GLYATL2: variants seen among roughly 807,000 people sequenced by gnomAD.
GLYATL2 encodes the protein glycine-N-acyltransferase like 2.
In GLYATL2, 25 loss-of-function variants were observed where a neutral mutation model predicts 21.4. That is an observed-to-expected ratio of 1.17 (90% CI 0.85 to 1.63). The LOEUF (loss-of-function observed/expected upper bound fraction) is 1.63, where lower values mean the gene tolerates loss of function less well. Ranked by LOEUF, GLYATL2 falls within the 40% of genes most tolerant of loss-of-function variation. The pLI, the probability that GLYATL2 is intolerant of heterozygous loss-of-function variation, is 0.00. For missense variants in GLYATL2, 361 were observed against 343.3 expected (o/e 1.05, Z -0.41); for synonymous variants, 114 against 118.2 (o/e 0.96, Z 0.23).
chr11:58,888,186 T>C (rs1208384227), intron 1 of GLYATL2, among the ~76,000 whole-genome samples: 1 of 152,162 alleles, frequency 6.6e-6, no homozygotes, highest in Non-Finnish European at 1.5e-5. Flanking sequence ...ATTCTTAAAA[T>C]TCTGTAAGTG....
intron 1 of GLYATL2, among the ~76,000 whole-genome samples, chr11:58,883,937 C>A (rs554288952): frequency 2.5e-4 from 38 of 152,238 alleles, no homozygotes; most frequent in Admixed American, 5.2e-4. Context: ...AAACGTAATC[C>A]ATCATATAAA....
intron 1 of GLYATL2, among the ~76,000 whole-genome samples, chr11:58,886,833 C>T (rs765136568): frequency 6.6e-6 from 1 of 152,118 alleles, no homozygotes; most frequent in Non-Finnish European, 1.5e-5. Flanking sequence ...TAAGCCACCC[C>T]AGGTCAAGAC....
chr11:58,898,832 T>TA (rs1422483111), intron 1 of GLYATL2, among the ~76,000 whole-genome samples: 2 of 151,802 alleles, frequency 1.3e-5, no homozygotes, highest in Non-Finnish European at 2.9e-5. Flanking sequence ...GACTCCATCT[T>TA]AAAAAAAATA....
intron 1 of GLYATL2, among the ~76,000 whole-genome samples, chr11:58,872,208 C>A (rs537420604): frequency 6.6e-6 from 1 of 152,052 alleles, no homozygotes; most frequent in African/African-American, 2.4e-5. Flanking sequence ...GAGTAGGTTG[C>A]GAAAATTTTC....
chr11:58,904,965 C>G (rs1815856), upstream of GLYATL2, among the ~76,000 whole-genome samples: 110,102 of 152,126 alleles, frequency 0.72, 42,596 homozygotes, highest in Non-Finnish European at 0.87. Context: ...TGTTCTTAGA[C>G]AGTAAGACGT....
intron 1 of GLYATL2, among the ~76,000 whole-genome samples, chr11:58,889,922 A>C (rs1278312849): frequency 6.6e-6 from 1 of 152,162 alleles, no homozygotes; most frequent in Non-Finnish European, 1.5e-5. Context: ...ATATAAAATA[A>C]TCTGATTTTG....
chr11:58,856,931 C>G (rs1476929239), intron 1 of GLYATL2, among the ~76,000 whole-genome samples: 7 of 152,174 alleles, frequency 4.6e-5, no homozygotes. Flanking sequence ...GCAGGGTTGA[C>G]ACAAACTTTT....
chr11:58,877,862 CTG>C (rs1407814904), intron 1 of GLYATL2, among the ~76,000 whole-genome samples: 1 of 152,234 alleles, frequency 6.6e-6, no homozygotes, highest in African/African-American at 2.4e-5. Context: ...GAGAAGGACT[CTG>C]TACTTCTACA....
intron 1 of GLYATL2, among the ~76,000 whole-genome samples, chr11:58,881,857 G>A (rs918980163): frequency 1.3e-5 from 2 of 152,142 alleles, no homozygotes; most frequent in African/African-American, 4.8e-5. Flanking sequence ...CTGTCCTTGT[G>A]ATAGTTTGTT....
intron 1 of GLYATL2, among the ~76,000 whole-genome samples, chr11:58,870,998 G>C (rs547309310): frequency 1.2e-3 from 182 of 152,318 alleles, no homozygotes; most frequent in African/African-American, 4.1e-3. Context: ...GAGGGGAAAA[G>C]ATACTTAAGA....
rs1437233642 is a variant in GLYATL2, at chr11:58,898,393, A to G, written n.60+5763T>C. On this transcript the variant is annotated intron_variant and non_coding_transcript_variant, in intron 1 of 4. Coordinates refer to the GLYATL2 transcript ENST00000533636. The stretch of plus-strand genomic sequence containing the variant: ...AGAACCCTTCTTTAAAGCTTTTATT[A>G]CACTTCCTGGAGAGCCTAACATTGT... Among the ~76,000 whole-genome samples the G allele has an allele frequency of 4.6e-5, 7 of 152,016 alleles. No individual in the cohort carries two copies. In the East Asian group the frequency reaches 1.4e-3, roughly 29 times the overall value.
intron 1 of GLYATL2, among the ~76,000 whole-genome samples, chr11:58,855,630 G>A (rs542597354): frequency 6.6e-6 from 1 of 152,346 alleles, no homozygotes; most frequent in East Asian, 1.9e-4. Context: ...GTCCTTTGCA[G>A]CTTTGAAGTT....
At chr11:58,870,233 A>C (rs1454795130) in intron 1 of GLYATL2, among the ~76,000 whole-genome samples, 1 of 152,200 alleles carries the variant, frequency 6.6e-6, no homozygotes, top group Non-Finnish European at 1.5e-5. Flanking sequence ...TTTTAGGTGA[A>C]GACTTAAAGA....
chr11:58,908,452 G>A (rs908324678), upstream of GLYATL2: 3 of 185,014 alleles, frequency 1.6e-5, no homozygotes, highest in East Asian at 1.4e-4. Flanking sequence ...TAGTTATATT[G>A]TCTTTGAACT....
intron 1 of GLYATL2, among the ~76,000 whole-genome samples, chr11:58,894,542 C>A (rs938591264): frequency 6.9e-6 from 1 of 144,684 alleles, no homozygotes; most frequent in African/African-American, 2.5e-5. Flanking sequence ...CAAAGGAAAT[C>A]TTAATGGAGT....
chr11:58,857,023 T>A (rs678880), intron 1 of GLYATL2, among the ~76,000 whole-genome samples: 135,039 of 152,204 alleles, frequency 0.89, 61,071 homozygotes, highest in Non-Finnish European at 0.98. Context: ...TGATTTAATT[T>A]CCTTTAAACA....
intron 1 of GLYATL2, 64 bp from the exon 2 acceptor site, chr11:58,839,716 G>C: frequency 1.4e-6 from 1 of 726,322 alleles, no homozygotes. Flanking sequence ...AGAAAGAAGA[G>C]GAAGGAGAAG....
intron 1 of GLYATL2, among the ~76,000 whole-genome samples, chr11:58,857,344 G>A (rs677444): frequency 0.71 from 108,384 of 152,178 alleles, 40,705 homozygotes; most frequent in Middle Eastern, 0.87. Flanking sequence ...AGATGGCAGT[G>A]GGGAGCTAGC....
intron 1 of GLYATL2, among the ~76,000 whole-genome samples, chr11:58,879,972 C>A (rs1854304363): frequency 6.6e-6 from 1 of 151,708 alleles, no homozygotes; most frequent in South Asian, 2.1e-4. Context: ...CATTCTCCTG[C>A]CTCAGCCTCC....
Sources: allele counts gnomAD v4.1 joint callset (sites outside exome capture counted in the v4.1 genomes callset), GRCh38; gene constraint gnomAD v4.1.1; transcripts MANE v1.5; gene names NCBI Gene and HGNC (gene_info 2026-07-23, HGNC 2026-07-21).